SHC3: variants seen among roughly 807,000 people sequenced by gnomAD.
SHC3 encodes the protein SHC-transforming protein 3.
SHC3 carries 15 observed loss-of-function variants against 60.4 expected under a neutral mutation model. The ratio of observed to expected loss-of-function variants is 0.25; its 90% CI spans 0.17 to 0.38. The LOEUF is 0.38. SHC3 is among the 10% of genes least tolerant of loss of function. The pLI is 1.00. For missense variants in SHC3, 677 were observed against 786.1 expected, an observed-to-expected ratio of 0.86 and a Z score of 1.66; for synonymous variants, 294 against 325.9, an observed-to-expected ratio of 0.90 and a Z score of 1.05.
Position 89,075,203 on chromosome 9 carries a change from A to G in SHC3, c.635T>C (p.Ile212Thr). Residue 212 changes from isoleucine (I) to threonine (T), a missense_variant, in exon 4 of 12, where the codon ATC (isoleucine) becomes ACC (threonine). Transcript: ENST00000375835. ...RKPPSKMLSSILGKSNLQFAG... is the reference protein window; with the variant it reads ...RKPPSKMLSSTLGKSNLQFAG... ...AAACTGGAGGTTGCTCTTTCCCAAG[A>G]TGCTGGACAGCATTTTGCTTGGAGG... The G allele has an allele frequency of 6.2e-7, 1 of 1,613,942 alleles. No individual in the cohort carries two copies. The highest frequency in any genetic ancestry group is 8.5e-7 in the Non-Finnish European group (1 of 1,179,912).
intron 1 of SHC3, 84 bp from the exon 2 acceptor site, chr9:89,112,710 A>G (rs1825967937): frequency 2.6e-6 from 3 of 1,161,604 alleles, no homozygotes; most frequent in Non-Finnish European, 3.6e-6. Flanking sequence ...CATTTTTGGG[A>G]GCCATACACA....
chr9:89,076,011 C>A (rs1490101666), intron 3 of SHC3, among the ~76,000 whole-genome samples: 1 of 152,028 alleles, frequency 6.6e-6, no homozygotes, highest in Admixed American at 6.5e-5. Context: ...TAGTTCCTAA[C>A]CAGGTGCACA....
Position 89,050,910 on chromosome 9 carries a change from T to TC in SHC3, c.962+1126_962+1127insG, listed in dbSNP as rs35264159. ...GCTGAAGTTTCTTTCGTTCTTTTTT[T>TC]TTTTTTAATATGATGGCCATAAGGG... On this transcript the variant is annotated intron_variant, in intron 7 of 11. Coordinates refer to ENST00000375835, the MANE Select transcript of SHC3 (RefSeq NM_016848.6). 1.1e-4 allele frequency among the ~76,000 whole-genome samples: 16 copies of TC among 152,098 alleles called. No individual in the cohort carries two copies. In the South Asian group the frequency reaches 1.7e-3, roughly 16 times the overall value.
At position 89,178,277 on chromosome 9, in the gene SHC3, C is replaced by T; in HGVS notation, c.184G>A (p.Gly62Ser). 6.4e-7 allele frequency: 1 copy of T among 1,552,492 alleles called. No homozygotes were observed. The highest frequency in any genetic ancestry group is 2.5e-5 in the East Asian group (1 of 39,858). ...TTGTGGAGCAGGTGGCCCAGGCTGC[C>T]GGGCCCATCGTCGGGCGCCTTGCGC... ...ALRKAPDDGP[G>S]SLGHLLHKVS... is the part of the protein sequence containing the mutation. The change falls in exon 1 of 12, where the codon GGC (glycine) becomes AGC (serine). Residue 62 changes from glycine (G) to serine (S), a missense_variant. Transcript: ENST00000375835. This position sits in a 1 kb window ranked among gnomAD's most constrained non-coding sequence, Gnocchi z 6.9.
At chr9:89,161,479 T>C (rs549056590) in intron 1 of SHC3, among the ~76,000 whole-genome samples, 10 of 152,318 alleles carry the variant, frequency 6.6e-5, no homozygotes, top group South Asian at 2.1e-4. Flanking sequence ...CTTGAGTATT[T>C]CTTCACAGCA....
intron 2 of SHC3, among the ~76,000 whole-genome samples, chr9:89,097,106 G>T (rs1668961639): frequency 2.5e-5 from 2 of 81,104 alleles, no homozygotes; most frequent in Non-Finnish European, 4.7e-5. Flanking sequence ...TCGCTCTCAT[G>T]AAAAAAAAAA....
chr9:89,157,660 G>C (rs1826642824), intron 1 of SHC3, among the ~76,000 whole-genome samples: 1 of 151,994 alleles, frequency 6.6e-6, no homozygotes, highest in African/African-American at 2.4e-5. Context: ...CTGTTGCCCA[G>C]GATAGAGTGC....
intron 2 of SHC3, among the ~76,000 whole-genome samples, chr9:89,095,245 A>C (rs547596760): frequency 2.9e-4 from 44 of 152,268 alleles, no homozygotes; most frequent in Non-Finnish European, 5.4e-4. Context: ...ATGGACAAAC[A>C]AAATGTGGTC....
intron 6 of SHC3, among the ~76,000 whole-genome samples, chr9:89,053,272 G>A (rs1019212025): frequency 2.0e-5 from 3 of 152,216 alleles, no homozygotes; most frequent in Non-Finnish European, 4.4e-5. Context: ...TCCAAAAGCC[G>A]CGTTGGTCCC....
At position 89,013,337 on chromosome 9, in the gene SHC3, G is replaced by T; in HGVS notation, c.*110C>A. 7.6e-7 allele frequency: 1 copy of T among 1,309,174 alleles called. No homozygotes were observed. The highest frequency in any genetic ancestry group is 2.4e-5 in the South Asian group (1 of 40,838). The allele number at this position is 1,309,174 out of a possible 1,614,324, so 81.1% of individuals were successfully genotyped here. On this transcript the variant is annotated 3_prime_UTR_variant, in exon 12 of 12. Transcript: ENST00000375835. ...AGGAAGCCTTCCTTTTGAAGCTTTT[G>T]AAGAAGGCTCTGAGCCACAGGCAGC...
At chr9:89,017,877 A>G (rs2118638812) in intron 11 of SHC3, among the ~76,000 whole-genome samples, 1 of 152,400 alleles carries the variant, frequency 6.6e-6, no homozygotes, top group South Asian at 2.1e-4. Flanking sequence ...TATTTAGCCA[A>G]CAAACGTATG....
intron 2 of SHC3, among the ~76,000 whole-genome samples, chr9:89,101,054 A>C (rs1172762277): frequency 6.6e-6 from 1 of 152,200 alleles, no homozygotes. Flanking sequence ...TGAACACGGT[A>C]TATCTGTCCA....
intron 11 of SHC3, among the ~76,000 whole-genome samples, chr9:89,026,667 T>A (rs1826309908): frequency 6.6e-6 from 1 of 152,232 alleles, no homozygotes; most frequent in Non-Finnish European, 1.5e-5. Context: ...GATTGAGATT[T>A]GCCTCAGATA....
intron 11 of SHC3, among the ~76,000 whole-genome samples, chr9:89,017,901 C>G (rs912372813): frequency 1.3e-5 from 2 of 152,204 alleles, no homozygotes; most frequent in African/African-American, 2.4e-5. Flanking sequence ...AGAAGCTCAT[C>G]ATCAGTGGTG....
At chr9:89,095,272 T>C (rs1217744460) in intron 2 of SHC3, among the ~76,000 whole-genome samples, 4 of 152,168 alleles carry the variant, frequency 2.6e-5, no homozygotes, top group Non-Finnish European at 5.9e-5. Context: ...GACAATGGAA[T>C]ATTAAAGGAA....
At chr9:89,111,900 T>C (rs1825952578) in intron 2 of SHC3, among the ~76,000 whole-genome samples, 1 of 152,238 alleles carries the variant, frequency 6.6e-6, no homozygotes, top group Non-Finnish European at 1.5e-5. Context: ...TGTCCTAGCT[T>C]TCCAATTCTC....
At chr9:89,018,441 T>C (rs970823262) in intron 11 of SHC3, among the ~76,000 whole-genome samples, 3 of 151,650 alleles carry the variant, frequency 2.0e-5, no homozygotes, top group Non-Finnish European at 4.4e-5. Flanking sequence ...AATTGAACAA[T>C]GAGAACACAT....
At chr9:89,135,981 G>A (rs1182396004) in intron 1 of SHC3, among the ~76,000 whole-genome samples, 2 of 152,058 alleles carry the variant, frequency 1.3e-5, no homozygotes, top group South Asian at 2.1e-4. Context: ...ATAAGCTTAC[G>A]CAATATTCTC....
At chr9:89,051,670 C>T (rs915098811) in intron 7 of SHC3, among the ~76,000 whole-genome samples, 1 of 152,186 alleles carries the variant, frequency 6.6e-6, no homozygotes, top group Admixed American at 6.5e-5. Context: ...ATCGTAACGA[C>T]AAGGACAATG....
Sources: gnomAD v4.1 joint callset for allele counts (sites outside exome capture counted in the v4.1 genomes callset) on GRCh38, gnomAD v4.1.1 for gene constraint, Gnocchi (gnomAD v3.1) non-coding constraint, MANE v1.5 for transcripts, NCBI Gene and HGNC (gene_info 2026-07-23, HGNC 2026-07-21) for gene names.